The following EVC variants were observed in gnomAD, a reference collection of about 807,000 sequenced individuals.
EVC encodes the protein EvC ciliary complex subunit 1, also known as evC complex member EVC.
In EVC, 116 loss-of-function variants were observed where a neutral mutation model predicts 118.9. The observed-to-expected ratio is 0.98, with a 90% confidence interval of 0.84 to 1.14. EVC has a LOEUF of 1.14. Among genes scored for constraint, EVC ranks in the 50% most tolerant of loss-of-function variants. EVC has a pLI of 0.00. For missense variants in EVC, 1,401 were observed against 1,246.4 expected (o/e 1.12, Z -1.87); for synonymous variants, 619 against 534.7 (o/e 1.16, Z -2.18).
chr4:5,733,421 C>G lies in EVC; in HGVS notation c.688C>G (p.Gln230Glu). Reference protein sequence around the residue: ...DLLHLDTALRQEKHMMFIQIF... With the variant: ...DLLHLDTALREEKHMMFIQIF... ...GCTGCATTTGGACACGGCACTGAGG[C>G]AGGAAAAGCATATGGTAGGTGGAGA... The change falls in exon 5 of 21, where the codon CAG becomes GAG. Residue 230 changes from glutamine (Q) to glutamate (E), a missense_variant. Transcript: ENST00000264956. 1 of 1,613,954 alleles carries G rather than the reference C, an allele frequency of 6.2e-7. No homozygotes were observed. Among genetic ancestry groups the G allele is most frequent in the Non-Finnish European group, 8.5e-7 (1 of 1,179,866 alleles).
chr4:5,763,585 G>A lies in EVC; in HGVS notation c.1563+7223G>A, dbSNP rs1350900337. Among the ~76,000 whole-genome samples the A allele has an allele frequency of 8.6e-4, 107 of 124,332 alleles. 4 individuals are homozygous for A. Among genetic ancestry groups the A allele is most frequent in the African/African-American group, 3.0e-3 (96 of 32,108 alleles). The allele number at this position is 124,332 out of a possible 152,430, so 81.6% of individuals were successfully genotyped here. On this transcript the variant is annotated intron_variant, in intron 11 of 20. Transcript: ENST00000264956. ...ATCCTCTTTTATTTCATTGAGCAGT[G>A]GTTTGTAGTTCTCCTTGAAGAGGTC...
rs5855888 is a variant in EVC, at chr4:5,756,205, G to GAAAA, written c.1465-47_1465-44dup. The GAAAA allele has an allele frequency of 4.1e-6, 5 of 1,206,318 alleles. No individual in the cohort carries two copies. Among genetic ancestry groups the GAAAA allele is most frequent in the Non-Finnish European group, 5.9e-6 (5 of 852,374 alleles). 74.7% of individuals were successfully genotyped at this position (1,206,318 alleles called of 1,614,324 possible). On this transcript the variant is annotated intron_variant, in intron 10 of 20. Transcript: ENST00000264956. This position sits in a 1 kb window ranked among gnomAD's most constrained non-coding sequence, Gnocchi z 4.2. ...CAGGGGATGGTTGGAGAACCTTCTGGAAAAAAAAAAAAAAACCCTGCATGT... is the reference window on the plus strand; with the variant it reads ...CAGGGGATGGTTGGAGAACCTTCTGGAAAAAAAAAAAAAAAAAAACCCTGCATGT...
In EVC at chr4:5,811,055, G is replaced by T. The variant is rs779621323; in HGVS notation, c.*18G>T. On this transcript the variant is annotated 3_prime_UTR_variant, in exon 21 of 21. Transcript: ENST00000264956. Reference sequence around the variant, plus strand: ...ACTTGTAGTTTAAGACCAGTCGGTGGGACAAGACCTGAAGCCCTGGGTCTG... The same window carrying T: ...ACTTGTAGTTTAAGACCAGTCGGTGTGACAAGACCTGAAGCCCTGGGTCTG... 9 of 1,595,884 alleles carry T rather than the reference G, an allele frequency of 5.6e-6. No homozygotes were observed. The highest frequency in any genetic ancestry group is 1.3e-5 in the African/African-American group (1 of 74,230).
intron 12 of EVC, among the ~76,000 whole-genome samples, chr4:5,784,192 C>G (rs1736075291): frequency 6.6e-6 from 1 of 152,124 alleles, no homozygotes; most frequent in Non-Finnish European, 1.5e-5. Flanking sequence ...GATATCTATG[C>G]TGTGTTCCCT....
In EVC at chr4:5,813,025, C is replaced by G. The variant is rs1243632048; in HGVS notation, c.*1988C>G. On this transcript the variant is annotated 3_prime_UTR_variant, in exon 21 of 21. Coordinates refer to ENST00000264956, the MANE Select transcript of EVC (RefSeq NM_153717.3). ...CATTTCTTAAAACCTGAAATAGACTCTCTTAGAAACAAGTGACTCCTTCCC... is the reference window on the plus strand; with the variant it reads ...CATTTCTTAAAACCTGAAATAGACTGTCTTAGAAACAAGTGACTCCTTCCC... The G allele has an allele frequency of 6.6e-6, 1 of 152,216 alleles. No individual in the cohort carries two copies. The highest frequency in any genetic ancestry group is 2.4e-5 in the African/African-American group (1 of 41,454). The allele number at this position is 152,216 out of a possible 1,614,324, so 9.4% of individuals were successfully genotyped here. A position where few individuals can be genotyped will look rare whatever the true frequency, so the allele number is the denominator to read the frequency against.
At chr4:5,815,946 A>G (rs1180623557), downstream of EVC, among the ~76,000 whole-genome samples, 1 of 151,746 alleles carries the variant, frequency 6.6e-6, no homozygotes, top group Non-Finnish European at 1.5e-5. Context: ...AACGCTGAGT[A>G]TATACTTTCC....
downstream of EVC, among the ~76,000 whole-genome samples, chr4:5,818,771 TTCTCAG>T (rs1325787668): frequency 4.6e-5 from 7 of 152,224 alleles, no homozygotes; most frequent in African/African-American, 1.7e-4. Context: ...AACCTTGGAC[TTCTCAG>T]TCTCAAAGTC....
Position 5,755,376 on chromosome 4 carries a change from G to T in EVC, c.1465-888G>T, listed in dbSNP as rs1177637054. Among the ~76,000 whole-genome samples the T allele has an allele frequency of 6.6e-6, 1 of 152,176 alleles. No individual in the cohort carries two copies. The highest frequency in any genetic ancestry group is 1.9e-4 in the East Asian group (1 of 5,146). ...CGCAGGCAGGGAAGGGTGAATGAGC[G>T]CATGCGTGCCTGAATGAACCAGGAC... On this transcript the variant is annotated intron_variant, in intron 10 of 20. Coordinates refer to ENST00000264956, the MANE Select transcript of EVC (RefSeq NM_153717.3). The surrounding 1 kb of genome is among the most constrained non-coding windows in gnomAD (Gnocchi z 4.1).
At chr4:5,819,918 G>A in the EVC span, among the ~76,000 whole-genome samples, 2 of 152,222 alleles carry the variant, frequency 1.3e-5, no homozygotes, top group Non-Finnish European at 2.9e-5. Flanking sequence ...CGAAGCCGAG[G>A]AGCGGGGGAG....
the EVC span, chr4:5,828,459 G>C: frequency 5.0e-6 from 8 of 1,604,526 alleles, no homozygotes; most frequent in Admixed American, 1.3e-4. Context: ...GGTCCCACGG[G>C]TGGGCCCGCT....
Position 5,731,420 on chromosome 4 carries a change from C to G in EVC, c.385-5C>G. ...GACTGAGTGTGACTCCTACTGCCACCCCAGCCTCTGGCCGATGGCTCCTCC... is the reference window on the plus strand; with the variant it reads ...GACTGAGTGTGACTCCTACTGCCACGCCAGCCTCTGGCCGATGGCTCCTCC... On this transcript the variant is annotated splice_region_variant and splice_polypyrimidine_tract_variant and intron_variant, in intron 3 of 20. Transcript: ENST00000264956. This position sits in a 1 kb window ranked among gnomAD's most constrained non-coding sequence, Gnocchi z 5.6. The G allele has an allele frequency of 1.2e-6, 2 of 1,612,300 alleles. No individual in the cohort carries two copies. Among genetic ancestry groups the G allele is most frequent in the South Asian group, 1.1e-5 (1 of 91,002 alleles).
Position 5,811,699 on chromosome 4 carries a change from G to A in EVC, c.*662G>A, listed in dbSNP as rs866110948. On this transcript the variant is annotated 3_prime_UTR_variant, in exon 21 of 21. Transcript: ENST00000264956. ...ACCAGCCCTTCACACACCACAGCCA[G>A]GAGGGGCCTTTCCCACCTGGAGAGA... The A allele has an allele frequency of 8.4e-5, 13 of 155,496 alleles. No individual in the cohort carries two copies. Among genetic ancestry groups the A allele is most frequent in the South Asian group, 3.9e-4 (2 of 5,080 alleles). The allele number at this position is 155,496 out of a possible 1,614,324, so 9.6% of individuals were successfully genotyped here. A position where few individuals can be genotyped will look rare whatever the true frequency, so the allele number is the denominator to read the frequency against.
intron 5 of EVC, among the ~76,000 whole-genome samples, chr4:5,734,630 C>T (rs1274943682): frequency 6.6e-6 from 1 of 152,144 alleles, no homozygotes; most frequent in African/African-American, 2.4e-5. Context: ...GCACTCCGAC[C>T]TGGGCAACAC....
rs367963982 is a variant in EVC at position 5,802,109 on chromosome 4, C to G, written c.2449+15C>G. ...GACCCTGCAGGGTACGGGACCCCCC[C>G]TCAGGGAAGCCCCAGAAGAGACTGG... On this transcript the variant is annotated intron_variant, in intron 16 of 20. Transcript: ENST00000264956. The G allele has an allele frequency of 2.3e-5, 37 of 1,613,428 alleles. No homozygotes were observed. Among genetic ancestry groups the G allele is most frequent in the Non-Finnish European group, 3.1e-5 (37 of 1,179,816 alleles).
chr4:5,818,900 C>G (rs914326042), downstream of EVC, among the ~76,000 whole-genome samples: 1 of 152,208 alleles, frequency 6.6e-6, no homozygotes, highest in African/African-American at 2.4e-5. Context: ...GTCCACAGAA[C>G]TAGCAAACAC....
intron 11 of EVC, among the ~76,000 whole-genome samples, chr4:5,763,813 G>C (rs1272317651): frequency 9.8e-6 from 1 of 102,024 alleles, no homozygotes; most frequent in South Asian, 3.6e-4. Flanking sequence ...TGAGACAATG[G>C]GGTTTTCTAG....
In EVC at chr4:5,752,901, A is replaced by C. The variant is rs375511470; in HGVS notation, c.1164A>C (p.Gln388His). The change falls in exon 9 of 21, where the codon CAA (glutamine) becomes CAC (histidine). Residue 388 changes from glutamine to histidine, a missense_variant. Coordinates refer to ENST00000264956, the MANE Select transcript of EVC (RefSeq NM_153717.3). The stretch of plus-strand genomic sequence containing the variant: ...AAGTGATTGAGTTTCTGAAGCTGCA[A>C]GTCCAGGAGGAGACCAGGTGCCGGC... Reference protein sequence around the residue: ...MAKVIEFLKLQVQEETRCRLA... With the variant: ...MAKVIEFLKLHVQEETRCRLA... 3 of 1,614,108 alleles carry C rather than the reference A, an allele frequency of 1.9e-6. No individual in the cohort carries two copies. The highest frequency in any genetic ancestry group is 2.5e-6 in the Non-Finnish European group (3 of 1,180,040).
intron 1 of EVC, among the ~76,000 whole-genome samples, chr4:5,715,573 T>A (rs182953378): frequency 3.2e-4 from 49 of 152,318 alleles, no homozygotes; most frequent in African/African-American, 1.1e-3. Context: ...TTTCATTGCA[T>A]GCCTGGAGCA....
chr4:5,783,639 C>A lies in EVC; in HGVS notation c.1651C>A (p.Pro551Thr). Residue 551 changes from proline to threonine, a missense_variant, in exon 12 of 21, where the codon CCG becomes ACG. Coordinates refer to ENST00000264956, the MANE Select transcript of EVC (RefSeq NM_153717.3). ...QTLPGMTGLP[P>T]EECDYLRQEV... ...GCTCCCTGGCATGACTGGCCTCCCC[C>A]CGGAAGAGTGTGACTACTTGAGGCA... 1.1e-5 allele frequency: 18 copies of A among 1,614,196 alleles called. No individual in the cohort carries two copies. The highest frequency in any genetic ancestry group is 1.5e-5 in the Non-Finnish European group (18 of 1,180,038).
Sources: allele counts gnomAD v4.1 joint callset (sites outside exome capture counted in the v4.1 genomes callset), GRCh38; gene constraint gnomAD v4.1.1; non-coding constraint Gnocchi (gnomAD v3.1); transcripts MANE v1.5; gene names NCBI Gene and HGNC (gene_info 2026-07-23, HGNC 2026-07-21).